Variants in MRLN observed in about 807,000 individuals in gnomAD.
The protein encoded by MRLN is myoregulin.
chr10:59,742,360 CAA>C (rs1840992590), intron 1 of MRLN, among the ~76,000 whole-genome samples: 1 of 152,054 alleles, frequency 6.6e-6, no homozygotes, highest in African/African-American at 2.4e-5. Context: ...AAGCAAGACA[CAA>C]AAGACAACAG....
chr10:59,742,137 T>C (rs1840990472), intron 1 of MRLN, among the ~76,000 whole-genome samples: 1 of 152,192 alleles, frequency 6.6e-6, no homozygotes, highest in South Asian at 2.1e-4. Flanking sequence ...CCAAGACACA[T>C]ATCCAAACAT....
At chr10:59,751,669 C>CA (rs10652105) in intron 1 of MRLN, among the ~76,000 whole-genome samples, 47,899 of 82,436 alleles carry the variant, frequency 0.58, 15,230 homozygotes, top group East Asian at 0.75. Flanking sequence ...GACTCTGTCT[C>CA]AAAAAAAAAA....
chr10:59,750,779 G>C (rs1288965754), intron 1 of MRLN, among the ~76,000 whole-genome samples: 1 of 152,242 alleles, frequency 6.6e-6, no homozygotes, highest in African/African-American at 2.4e-5. Flanking sequence ...AGCTGTGCGA[G>C]GCTTCCTCAG....
At chr10:59,744,004 G>A (rs7915601) in intron 1 of MRLN, among the ~76,000 whole-genome samples, 4 of 151,956 alleles carry the variant, frequency 2.6e-5, no homozygotes, top group Admixed American at 6.6e-5. Context: ...GCGTGATCTC[G>A]GCTCGCTACA....
chr10:59,740,455 T>C (rs532794216), intron 1 of MRLN, among the ~76,000 whole-genome samples: 2 of 152,274 alleles, frequency 1.3e-5, no homozygotes, highest in African/African-American at 4.8e-5. Context: ...GCTCCATGCA[T>C]GCTATTGTCC....
chr10:59,749,565 G>A (rs191531220), intron 1 of MRLN, among the ~76,000 whole-genome samples: 134 of 152,154 alleles, frequency 8.8e-4, no homozygotes, highest in African/African-American at 3.0e-3. Context: ...GTGGTGGTTC[G>A]CACCTGTAGT....
chr10:59,748,660 T>C (rs1841066636), intron 1 of MRLN, among the ~76,000 whole-genome samples: 1 of 152,218 alleles, frequency 6.6e-6, no homozygotes, highest in Admixed American at 6.5e-5. Context: ...AAACTTCTCA[T>C]TTGACAAACA....
At chr10:59,742,465 A>T (rs1481069559) in intron 1 of MRLN, among the ~76,000 whole-genome samples, 1 of 152,206 alleles carries the variant, frequency 6.6e-6, no homozygotes, top group Non-Finnish European at 1.5e-5. Context: ...TGGTAAATTT[A>T]TCAAGAAAAG....
intron 1 of MRLN, among the ~76,000 whole-genome samples, chr10:59,746,940 C>T (rs1841049909): frequency 1.3e-5 from 2 of 152,262 alleles, no homozygotes; most frequent in Non-Finnish European, 2.9e-5. Context: ...GCTGGGATTA[C>T]AGGCATGCAC....
chr10:59,746,454 T>C (rs778925107), intron 1 of MRLN, among the ~76,000 whole-genome samples: 1 of 152,228 alleles, frequency 6.6e-6, no homozygotes, highest in African/African-American at 2.4e-5. Flanking sequence ...CCAGATGCCA[T>C]GCTCTTTCAA....
At chr10:59,744,770 ATTC>A (rs1361576443) in intron 1 of MRLN, 2 of 163,158 alleles carry the variant, frequency 1.2e-5, no homozygotes, top group South Asian at 2.0e-4. Flanking sequence ...ACTAAGAAAA[ATTC>A]TTCTGCCTTG....
At chr10:59,743,214 C>T (rs1841003325) in intron 1 of MRLN, among the ~76,000 whole-genome samples, 2 of 151,050 alleles carry the variant, frequency 1.3e-5, no homozygotes, top group Non-Finnish European at 2.9e-5. Context: ...GCCCCCGCCC[C>T]CCACCACACC....
At chr10:59,751,038 T>G (rs1203457532) in intron 1 of MRLN, among the ~76,000 whole-genome samples, 4 of 152,222 alleles carry the variant, frequency 2.6e-5, no homozygotes, top group African/African-American at 7.2e-5. Context: ...CAAAACCTTT[T>G]AAACTGCCTA....
chr10:59,739,966 C>T (rs1840964708), intron 1 of MRLN, among the ~76,000 whole-genome samples: 1 of 152,106 alleles, frequency 6.6e-6, no homozygotes, highest in African/African-American at 2.4e-5. Flanking sequence ...GTGGCAGGCG[C>T]CTGTAATCCC....
chr10:59,752,900 A>G (rs1396948122), intron 1 of MRLN, among the ~76,000 whole-genome samples: 3 of 152,196 alleles, frequency 2.0e-5, no homozygotes, highest in African/African-American at 7.2e-5. Flanking sequence ...GGGGAAAAAA[A>G]CAAAAGTGCC....
At chr10:59,742,732 T>C (rs983666819) in intron 1 of MRLN, among the ~76,000 whole-genome samples, 17 of 151,618 alleles carry the variant, frequency 1.1e-4, no homozygotes, top group Non-Finnish European at 7.4e-5. Context: ...CCTTCCTTCC[T>C]TCTTGCTTGC....
intron 1 of MRLN, among the ~76,000 whole-genome samples, chr10:59,745,919 AAAAC>A (rs1245913417): frequency 6.6e-6 from 1 of 152,182 alleles, no homozygotes; most frequent in Non-Finnish European, 1.5e-5. Flanking sequence ...CAACAACAAA[AAAAC>A]AAACAACAAC....
At chr10:59,751,127 C>T (rs1350014200) in intron 1 of MRLN, among the ~76,000 whole-genome samples, 1 of 152,138 alleles carries the variant, frequency 6.6e-6, no homozygotes, top group Non-Finnish European at 1.5e-5. Context: ...GATCTGATTT[C>T]TGAAACAAGC....
rs184077216 is a variant in MRLN at position 59,738,515 on chromosome 10, C to G, written c.-77G>C. 11 of 152,280 alleles carry G rather than the reference C, an allele frequency of 7.2e-5. No individual in the cohort carries two copies. The East Asian group carries it at 2.1e-3, about 29-fold the overall frequency. The allele number at this position is 152,280 out of a possible 1,614,324, so 9.4% of individuals were successfully genotyped here. On this transcript the variant is annotated 5_prime_UTR_variant, in exon 2 of 3. Transcript: ENST00000414264. ...CGGCTTCTCAGTTTTCTGCTCTTGC[C>G]AGAACAAAGTGTATTCAGCACAGGT...
Sources: gnomAD v4.1 joint callset for allele counts (sites outside exome capture counted in the v4.1 genomes callset) on GRCh38, gnomAD v4.1.1 for gene constraint, MANE v1.5 for transcripts, NCBI Gene and HGNC (gene_info 2026-07-23, HGNC 2026-07-21) for gene names.